The following PARP8 variants were observed in gnomAD, a reference collection of about 807,000 sequenced individuals.
PARP8 encodes the protein poly(ADP-ribose) polymerase family member 8.
Under a neutral mutation model 124.1 loss-of-function variants are expected in PARP8, and 51 were observed. The observed-to-expected ratio is 0.41, with a 90% CI of 0.33 to 0.52. The LOEUF (loss-of-function observed/expected upper bound fraction) is 0.52. PARP8 is among the 20% of genes least tolerant of loss of function. PARP8 has a pLI of 0.21. For synonymous variants in PARP8, 391 were observed against 361.5 expected, an observed-to-expected ratio of 1.08 and a Z score of -0.93; for missense variants, 860 against 1,018.9, an observed-to-expected ratio of 0.84 and a Z score of 2.12.
chr5:50,833,174 TTAGA>T (rs1289225503), intron 23 of PARP8, among the ~76,000 whole-genome samples: 15 of 152,180 alleles, frequency 9.9e-5, no homozygotes, highest in Non-Finnish European at 1.6e-4. Flanking sequence ...AAATACATAT[TTAGA>T]TAGATAGAAT....
At chr5:50,678,916 C>G (rs780854474) in intron 2 of PARP8, among the ~76,000 whole-genome samples, 1 of 152,024 alleles carries the variant, frequency 6.6e-6, no homozygotes, top group Non-Finnish European at 1.5e-5. Context: ...GCAACATGAA[C>G]AAGGAGACTA....
intron 2 of PARP8, among the ~76,000 whole-genome samples, chr5:50,707,157 C>T (rs538540342): frequency 8.9e-4 from 136 of 152,092 alleles, no homozygotes; most frequent in Middle Eastern, 3.4e-3. Flanking sequence ...ATAAATCAGA[C>T]GCTTGTCAGA....
intron 10 of PARP8, among the ~76,000 whole-genome samples, chr5:50,791,866 T>C (rs932373920): frequency 1.3e-5 from 2 of 152,188 alleles, no homozygotes; most frequent in African/African-American, 2.4e-5. Context: ...AACTTAAAAG[T>C]GCGAATCAAA....
chr5:50,825,372 A>AAAATAAAT (rs1746228903), intron 18 of PARP8, among the ~76,000 whole-genome samples: 1 of 152,200 alleles, frequency 6.6e-6, no homozygotes, highest in Admixed American at 6.5e-5. Flanking sequence ...TTTCTAATCT[A>AAAATAAAT]AAATAAATGT....
chr5:50,758,153 GAT>G (rs1489044334), intron 3 of PARP8, among the ~76,000 whole-genome samples: 3 of 152,058 alleles, frequency 2.0e-5, no homozygotes, highest in African/African-American at 7.2e-5. Flanking sequence ...CTAGATAAGT[GAT>G]CAAAGTCTCA....
At position 50,842,946 on chromosome 5, in the gene PARP8, A is replaced by G. The variant is rs183883313; in HGVS notation, c.*878A>G. 1.5e-4 allele frequency: 23 copies of G among 151,826 alleles called. No homozygotes were observed. The highest frequency in any genetic ancestry group is 1.5e-3 in the Admixed American group (23 of 15,192). 9.4% of individuals were successfully genotyped at this position (151,826 alleles called of 1,614,324 possible). A position where few individuals can be genotyped will look rare whatever the true frequency, so the allele number is the denominator to read the frequency against. On this transcript the variant is annotated 3_prime_UTR_variant, in exon 26 of 26. Transcript: ENST00000281631. Reference sequence around the variant, plus strand: ...CGAATCTATATTCAAATGATTATGTATTTAAAAGAAAGACCTCAGAATTTA... The same window carrying G: ...CGAATCTATATTCAAATGATTATGTGTTTAAAAGAAAGACCTCAGAATTTA...
At chr5:50,669,306 AGAG>A (rs1424133182) in intron 2 of PARP8, 25 of 152,242 alleles carry the variant, frequency 1.6e-4, no homozygotes, top group African/African-American at 4.3e-4. Context: ...TAATTCAATG[AGAG>A]GAGACTTGGT....
rs555150671 is a variant in PARP8 at position 50,827,122 on chromosome 5, G to A, written c.1977+319G>A. 3.9e-5 allele frequency among the ~76,000 whole-genome samples: 6 copies of A among 152,148 alleles called. No homozygotes were observed. In the South Asian group the frequency reaches 6.2e-4, roughly 16 times the overall value. ...AAGGAAGTTAATGTGCTTTATAATC[G>A]TTGTCAGTTTCATGTTGGCACATTT... On this transcript the variant is annotated intron_variant, in intron 19 of 25. Transcript: ENST00000281631.
chr5:50,823,269 C>T (rs755713167), intron 17 of PARP8, among the ~76,000 whole-genome samples: 1 of 152,144 alleles, frequency 6.6e-6, no homozygotes, highest in Non-Finnish European at 1.5e-5. Context: ...CCAGAGTTAT[C>T]GCTACTGCTC....
At chr5:50,667,692 A>G in intron 1 of PARP8, 1 of 699,646 alleles carries the variant, frequency 1.4e-6, no homozygotes, top group Admixed American at 2.0e-5. Flanking sequence ...TCCGACTGGC[A>G]AAGAGAAGGG....
intron 25 of PARP8, among the ~76,000 whole-genome samples, chr5:50,839,666 T>TCTC (rs1554072254): frequency 6.8e-6 from 1 of 147,388 alleles, no homozygotes; most frequent in Non-Finnish European, 1.5e-5. Flanking sequence ...CTCTCTTTCT[T>TCTC]TCTCTCTCTC....
intron 3 of PARP8, among the ~76,000 whole-genome samples, chr5:50,755,769 G>C (rs1445693589): frequency 6.6e-6 from 1 of 152,184 alleles, no homozygotes; most frequent in South Asian, 2.1e-4. Flanking sequence ...AATTACCTTG[G>C]GCAATATGGC....
chr5:50,839,080 T>C (rs1282083380), intron 25 of PARP8, among the ~76,000 whole-genome samples: 1 of 151,970 alleles, frequency 6.6e-6, no homozygotes, highest in Non-Finnish European at 1.5e-5. Flanking sequence ...TCCCACCAAG[T>C]TGTCAATAAT....
At chr5:50,779,195 ACACACACACACATGCATG>A (rs1740377725) in intron 9 of PARP8, among the ~76,000 whole-genome samples, 1 of 151,256 alleles carries the variant, frequency 6.6e-6, no homozygotes, top group African/African-American at 2.4e-5. Context: ...ACACACATAC[ACACACACACACATGCATG>A]CACACACACG....
chr5:50,757,678 C>A (rs186161974), intron 3 of PARP8, among the ~76,000 whole-genome samples: 1 of 152,266 alleles, frequency 6.6e-6, no homozygotes, highest in East Asian at 1.9e-4. Flanking sequence ...AAATTATATT[C>A]TCTTGAATCA....
At chr5:50,741,048 T>C (rs1300161940) in intron 2 of PARP8, among the ~76,000 whole-genome samples, 1 of 152,196 alleles carries the variant, frequency 6.6e-6, no homozygotes, top group Non-Finnish European at 1.5e-5. Context: ...AGATCATTTA[T>C]AGCCTCTTTA....
chr5:50,703,945 T>C (rs1037447995), intron 2 of PARP8, among the ~76,000 whole-genome samples: 4 of 152,026 alleles, frequency 2.6e-5, no homozygotes, highest in African/African-American at 9.7e-5. Context: ...TATTTAAACA[T>C]GATTTGTAGG....
chr5:50,674,289 CT>C (rs1750366672), intron 2 of PARP8, among the ~76,000 whole-genome samples: 1 of 152,192 alleles, frequency 6.6e-6, no homozygotes, highest in African/African-American at 2.4e-5. Context: ...AGTATCACAT[CT>C]TTTGAGCCCG....
At chr5:50,675,343 T>C (rs1393814762) in intron 2 of PARP8, among the ~76,000 whole-genome samples, 1 of 152,228 alleles carries the variant, frequency 6.6e-6, no homozygotes, top group Non-Finnish European at 1.5e-5. Context: ...TCGCTCTTGT[T>C]GCCCAGGCTG....
Sources: allele counts gnomAD v4.1 joint callset (sites outside exome capture counted in the v4.1 genomes callset), GRCh38; gene constraint gnomAD v4.1.1; transcripts MANE v1.5; gene names NCBI Gene and HGNC (gene_info 2026-07-23, HGNC 2026-07-21).